Variants in LRRC4C observed in about 807,000 individuals in gnomAD.
The protein encoded by LRRC4C is leucine rich repeat containing 4C.
A neutral mutation model predicts 33.6 loss-of-function variants in LRRC4C; 5 were observed. That is an observed-to-expected ratio of 0.15 (90% confidence interval 0.08 to 0.31). The LOEUF is 0.31. Ranked by LOEUF, LRRC4C falls within the 10% of genes least tolerant of loss-of-function variation. The probability of loss-of-function intolerance (pLI) is 1.00; values close to 1 mark genes in which losing one functional copy is unlikely to be tolerated. For synonymous variants in LRRC4C, 329 were observed against 302.0 expected (o/e 1.09, Z -0.93); for missense variants, 560 against 796.7 (o/e 0.70, Z 3.58).
intron 3 of LRRC4C, among the ~76,000 whole-genome samples, chr11:40,355,830 T>C (rs1374543913): frequency 6.6e-6 from 1 of 152,126 alleles, no homozygotes; most frequent in Non-Finnish European, 1.5e-5. Context: ...CCTTCTTTTG[T>C]AGATAGTTGT....
chr11:40,341,033 G>T (rs1363377823), intron 3 of LRRC4C, among the ~76,000 whole-genome samples: 1 of 152,108 alleles, frequency 6.6e-6, no homozygotes, highest in East Asian at 1.9e-4. Flanking sequence ...GACTTGCCAA[G>T]GCTCTATTGA....
chr11:41,410,616 A>T (rs1443249500), intron 1 of LRRC4C, among the ~76,000 whole-genome samples: 1 of 151,432 alleles, frequency 6.6e-6, no homozygotes, highest in Non-Finnish European at 1.5e-5. Context: ...AATTTTTTGT[A>T]TTTTTAGTAG....
chr11:41,337,144 A>C (rs569311887), intron 1 of LRRC4C, among the ~76,000 whole-genome samples: 67 of 152,172 alleles, frequency 4.4e-4, no homozygotes, highest in Middle Eastern at 3.4e-3. Flanking sequence ...TCCTGGGCTC[A>C]AGCATTGCTT....
chr11:41,262,422 T>C (rs1301166146), intron 1 of LRRC4C, among the ~76,000 whole-genome samples: 1 of 121,030 alleles, frequency 8.3e-6, no homozygotes, highest in African/African-American at 3.1e-5. Flanking sequence ...AAAAAAAAAA[T>C]AGAAAAATAG....
At chr11:40,163,630 T>C (rs1340659533) in intron 5 of LRRC4C, among the ~76,000 whole-genome samples, 3 of 152,084 alleles carry the variant, frequency 2.0e-5, no homozygotes, top group African/African-American at 7.2e-5. Flanking sequence ...GCTTCTAGAG[T>C]CAGTCTATCC....
intron 4 of LRRC4C, among the ~76,000 whole-genome samples, chr11:40,262,982 GA>G (rs771742878): frequency 3.8e-3 from 490 of 128,066 alleles, no homozygotes; most frequent in African/African-American, 9.7e-3. Context: ...AAGTATAACT[GA>G]AAAAAAAAAA....
intron 3 of LRRC4C, among the ~76,000 whole-genome samples, chr11:40,369,063 T>C (rs1483402877): frequency 6.6e-6 from 1 of 152,228 alleles, no homozygotes; most frequent in Admixed American, 6.5e-5. Flanking sequence ...GCAGTGTTGT[T>C]ATTTACTACG....
intron 2 of LRRC4C, among the ~76,000 whole-genome samples, chr11:40,891,194 G>T (rs752051548): frequency 6.6e-6 from 1 of 151,998 alleles, no homozygotes; most frequent in South Asian, 2.1e-4. Flanking sequence ...CTGAGATCGC[G>T]CCCCTGCACT....
At chr11:40,591,647 TTG>T (rs1427762024) in intron 3 of LRRC4C, among the ~76,000 whole-genome samples, 3 of 152,230 alleles carry the variant, frequency 2.0e-5, no homozygotes, top group African/African-American at 7.2e-5. Flanking sequence ...GCAAATAATT[TTG>T]TGTTCATTTT....
chr11:41,153,757 C>T (rs1351774920), intron 1 of LRRC4C, among the ~76,000 whole-genome samples: 1 of 152,142 alleles, frequency 6.6e-6, no homozygotes, highest in Non-Finnish European at 1.5e-5. Flanking sequence ...ATTATGGCTA[C>T]TAGAATACTA....
chr11:40,472,292 T>C (rs1258019669), intron 3 of LRRC4C, among the ~76,000 whole-genome samples: 3 of 150,160 alleles, frequency 2.0e-5, no homozygotes, highest in Non-Finnish European at 3.0e-5. Flanking sequence ...AATAAATAAA[T>C]AAATAAAAGA....
At chr11:40,987,860 C>CTGG in intron 1 of LRRC4C, among the ~76,000 whole-genome samples, 1 of 151,776 alleles carries the variant, frequency 6.6e-6, no homozygotes, top group African/African-American at 2.4e-5. Flanking sequence ...TAGTGCCATG[C>CTGG]TGGTCTCTTG....
intron 1 of LRRC4C, among the ~76,000 whole-genome samples, chr11:41,199,129 A>G (rs1188450816): frequency 6.6e-6 from 1 of 152,166 alleles, no homozygotes; most frequent in Non-Finnish European, 1.5e-5. Flanking sequence ...GTGAAAGTAT[A>G]CTAAATTCTC....
intron 1 of LRRC4C, among the ~76,000 whole-genome samples, chr11:41,103,533 C>T (rs2135637075): frequency 6.6e-6 from 1 of 152,018 alleles, no homozygotes; most frequent in Admixed American, 6.6e-5. Flanking sequence ...AACATACCAA[C>T]TGGTATAGAC....
intron 2 of LRRC4C, among the ~76,000 whole-genome samples, chr11:40,930,274 G>C (rs555002351): frequency 6.6e-6 from 1 of 150,892 alleles, no homozygotes; most frequent in African/African-American, 2.5e-5. Context: ...GAAACCTGGA[G>C]AGTAGAGACG....
chr11:40,647,618 G>T (rs868703967), intron 3 of LRRC4C, among the ~76,000 whole-genome samples: 1 of 152,248 alleles, frequency 6.6e-6, no homozygotes, highest in Middle Eastern at 3.4e-3. Context: ...ATATTTTCAT[G>T]CTGTCACCAC....
chr11:40,630,538 A>G (rs1963398849), intron 3 of LRRC4C, among the ~76,000 whole-genome samples: 1 of 152,016 alleles, frequency 6.6e-6, no homozygotes, highest in Non-Finnish European at 1.5e-5. Flanking sequence ...TATATAAAAC[A>G]TGTTCTCTCA....
chr11:40,178,440 C>A (rs1377383310), intron 5 of LRRC4C, among the ~76,000 whole-genome samples: 1 of 152,160 alleles, frequency 6.6e-6, no homozygotes, highest in East Asian at 1.9e-4. Flanking sequence ...CTGCTGGGAT[C>A]CAGCAGGAGC....
At chr11:40,129,859 C>A (rs76924379) in intron 6 of LRRC4C, among the ~76,000 whole-genome samples, 10,721 of 152,158 alleles carry the variant, frequency 0.07, 433 homozygotes, top group East Asian at 0.18. Flanking sequence ...AAAGTCAAAT[C>A]TACTTCATGC....
Sources: allele counts gnomAD v4.1 joint callset (sites outside exome capture counted in the v4.1 genomes callset), GRCh38; gene constraint gnomAD v4.1.1; transcripts MANE v1.5; gene names NCBI Gene and HGNC (gene_info 2026-07-23, HGNC 2026-07-21).